Variants in NEDD9 observed in about 807,000 individuals in gnomAD.
NEDD9 encodes enhancer of filamentation 1.
Under a neutral mutation model 76.6 loss-of-function variants are expected in NEDD9, and 26 were observed. That is an observed-to-expected ratio of 0.34 (90% CI 0.25 to 0.47). The LOEUF (loss-of-function observed/expected upper bound fraction) is 0.47. Among genes scored for constraint, NEDD9 ranks in the 20% least tolerant of loss-of-function variants. The pLI, the probability that NEDD9 is intolerant of heterozygous loss-of-function variation, is 1.00. For missense variants in NEDD9, 937 were observed against 1,058.5 expected, an observed-to-expected ratio of 0.89 and a Z score of 1.59; for synonymous variants, 392 against 414.2, an observed-to-expected ratio of 0.95 and a Z score of 0.65.
chr6:11,185,570 G>A lies in NEDD9; in HGVS notation c.2097C>T (p.Gly699=), dbSNP rs773248401. The part of the protein sequence containing the change: ...PSQSLPTTNS[G]VSAQDRQLLC... The stretch of plus-strand genomic sequence containing the variant: ...GCAACTGCCGATCCTGAGCACTCAC[G>A]CCACTGTTTGTGGTGGGTAGGCTCT... The change falls in exon 7 of 7, where the codon GGC becomes GGT. Residue 699 remains glycine, a synonymous_variant. Transcript: ENST00000379446. 10 of 1,614,068 alleles carry A rather than the reference G, an allele frequency of 6.2e-6. No individual in the cohort carries two copies. The highest frequency in any genetic ancestry group is 1.6e-4 in the Middle Eastern group (1 of 6,084).
At chr6:11,192,025 A>C (rs1469945303) in intron 4 of NEDD9, among the ~76,000 whole-genome samples, 2 of 152,060 alleles carry the variant, frequency 1.3e-5, no homozygotes, top group African/African-American at 2.4e-5. Flanking sequence ...TAACAAAACA[A>C]AACAAACCCT....
chr6:11,358,075 C>T (rs551680307), intron 1 of NEDD9, among the ~76,000 whole-genome samples: 3 of 152,090 alleles, frequency 2.0e-5, no homozygotes, highest in Admixed American at 2.0e-4. Flanking sequence ...TGGTGAAACC[C>T]CGTCTCTACT....
intron 3 of NEDD9, chr6:11,305,965 T>A: frequency 6.2e-7 from 1 of 1,613,276 alleles, no homozygotes; most frequent in Non-Finnish European, 8.5e-7. Context: ...AATCACAAAT[T>A]GTCTGTTTTT....
chr6:11,283,267 T>C (rs1760575727), intron 3 of NEDD9, among the ~76,000 whole-genome samples: 1 of 152,078 alleles, frequency 6.6e-6, no homozygotes, highest in Non-Finnish European at 1.5e-5. Context: ...TGACAACCTA[T>C]TACAACCTTT....
intron 1 of NEDD9, among the ~76,000 whole-genome samples, chr6:11,367,529 C>A (rs1203159421): frequency 1.3e-5 from 2 of 152,234 alleles, no homozygotes; most frequent in Non-Finnish European, 2.9e-5. Context: ...AGAGGACCAA[C>A]TGCATCTATC....
upstream of NEDD9, among the ~76,000 whole-genome samples, chr6:11,235,767 C>T (rs547895840): frequency 7.2e-5 from 11 of 152,286 alleles, no homozygotes; most frequent in Non-Finnish European, 1.2e-4. The surrounding 1 kb of genome is among the most constrained non-coding windows in gnomAD (Gnocchi z 4.1). Flanking sequence ...GCAGTAGGCA[C>T]GAGCTTAGTG....
At chr6:11,318,449 A>T (rs6923444) in intron 2 of NEDD9, among the ~76,000 whole-genome samples, 79,325 of 151,862 alleles carry the variant, frequency 0.52, 21,701 homozygotes, top group East Asian at 0.75. Flanking sequence ...GGGTCACTGC[A>T]TCATTGTCTG....
At chr6:11,357,676 G>A (rs892557016) in intron 1 of NEDD9, among the ~76,000 whole-genome samples, 11 of 152,148 alleles carry the variant, frequency 7.2e-5, no homozygotes, top group Non-Finnish European at 5.9e-5. Flanking sequence ...CGCTTGCTTC[G>A]GTGCTGATCA....
chr6:11,345,531 G>T (rs1282946580), intron 1 of NEDD9, among the ~76,000 whole-genome samples: 4 of 152,118 alleles, frequency 2.6e-5, no homozygotes, highest in African/African-American at 9.7e-5. Flanking sequence ...CCAACTATAT[G>T]TGGAGCCAGG....
chr6:11,212,076 C>A (rs1314753542), intron 2 of NEDD9, among the ~76,000 whole-genome samples: 2 of 152,174 alleles, frequency 1.3e-5, no homozygotes, highest in Non-Finnish European at 2.9e-5. Context: ...AATAGATATT[C>A]CCTAATTTAC....
intron 2 of NEDD9, among the ~76,000 whole-genome samples, chr6:11,322,043 G>A (rs1008665928): frequency 2.0e-5 from 3 of 152,114 alleles, no homozygotes; most frequent in Admixed American, 2.0e-4. Flanking sequence ...GGATGAAGCT[G>A]GAAATCATCA....
At chr6:11,374,064 C>CTATATATA (rs1436104171) in intron 1 of NEDD9, among the ~76,000 whole-genome samples, 6 of 151,132 alleles carry the variant, frequency 4.0e-5, no homozygotes, top group African/African-American at 1.5e-4. Context: ...CTCTCTCTCT[C>CTATATATA]TCTATATATA....
chr6:11,258,219 C>G (rs1760042462), intron 3 of NEDD9, among the ~76,000 whole-genome samples: 1 of 152,160 alleles, frequency 6.6e-6, no homozygotes, highest in South Asian at 2.1e-4. Context: ...GGGCTCAGAG[C>G]ATTCAGTTAT....
intron 3 of NEDD9, among the ~76,000 whole-genome samples, chr6:11,269,617 C>CT (rs1760263513): frequency 6.6e-6 from 1 of 151,924 alleles, no homozygotes. Context: ...GATTTCTTTC[C>CT]TTTTTAATTC....
At chr6:11,319,502 GCA>G (rs538879863) in intron 2 of NEDD9, among the ~76,000 whole-genome samples, 5,095 of 129,420 alleles carry the variant, frequency 0.039, 194 homozygotes, top group African/African-American at 0.1. Context: ...ACACACTCAT[GCA>G]CACACACACT....
chr6:11,233,445 G>A (rs370814437), upstream of NEDD9: 3 of 518,746 alleles, frequency 5.8e-6, no homozygotes, highest in Non-Finnish European at 1.2e-5. Flanking sequence ...GCCAGTGCAC[G>A]CCCTATACAT....
chr6:11,349,936 T>A (rs976357193), intron 1 of NEDD9, among the ~76,000 whole-genome samples: 2 of 152,126 alleles, frequency 1.3e-5, no homozygotes, highest in African/African-American at 4.8e-5. Context: ...GTTAAAAAAA[T>A]AATCCTTGGC....
chr6:11,257,646 G>C (rs961548415), intron 3 of NEDD9, among the ~76,000 whole-genome samples: 2 of 152,162 alleles, frequency 1.3e-5, no homozygotes, highest in Admixed American at 1.3e-4. Context: ...GAAACACTGA[G>C]ATTTGCAAAG....
At chr6:11,355,036 T>A (rs571476047) in intron 1 of NEDD9, among the ~76,000 whole-genome samples, 2 of 152,316 alleles carry the variant, frequency 1.3e-5, no homozygotes, top group East Asian at 3.9e-4. Context: ...TGTTTTCTTT[T>A]ACTGGCAAGC....
Sources: allele counts gnomAD v4.1 joint callset (sites outside exome capture counted in the v4.1 genomes callset), GRCh38; gene constraint gnomAD v4.1.1; non-coding constraint Gnocchi (gnomAD v3.1); transcripts MANE v1.5; gene names NCBI Gene and HGNC (gene_info 2026-07-23, HGNC 2026-07-21).